Variants in PLEKHA8 observed in about 807,000 individuals in gnomAD.
PLEKHA8 encodes the protein pleckstrin homology domain containing A8, also known as pleckstrin homology domain-containing family A member 8.
Under a neutral mutation model 68.2 loss-of-function variants are expected in PLEKHA8, and 36 were observed. That is an observed-to-expected ratio of 0.53 (90% CI 0.40 to 0.70). The LOEUF (loss-of-function observed/expected upper bound fraction) is 0.70, where lower values mean the gene tolerates loss of function less well. Ranked by LOEUF, PLEKHA8 falls within the 30% of genes least tolerant of loss-of-function variation. The pLI is 0.00. For synonymous variants in PLEKHA8, 211 were observed against 216.1 expected (o/e 0.98, Z 0.20); for missense variants, 505 against 615.4 (o/e 0.82, Z 1.90).
chr7:30,055,133 G>A lies in PLEKHA8; in HGVS notation c.954-124G>A, dbSNP rs1792734762. 4 of 856,938 alleles carry A rather than the reference G, an allele frequency of 4.7e-6. No individual in the cohort carries two copies. The Admixed American group carries it at 6.2e-5, about 13-fold the overall frequency. The allele number at this position is 856,938 out of a possible 1,614,324, so 53.1% of individuals were successfully genotyped here. On this transcript the variant is annotated intron_variant, in intron 8 of 13. Transcript: ENST00000449726. Reference sequence around the variant, plus strand: ...GACCATATTAGAAAAACAGTTACTGGGGCATATCAAGTCAAACGATTTGCC... The same window carrying A: ...GACCATATTAGAAAAACAGTTACTGAGGCATATCAAGTCAAACGATTTGCC...
At chr7:30,121,400 G>A (rs1299393883) in intron 13 of PLEKHA8, among the ~76,000 whole-genome samples, 10 of 152,126 alleles carry the variant, frequency 6.6e-5, no homozygotes, top group South Asian at 6.2e-4. Context: ...TCGCTGAGGC[G>A]GGCAGATCAC....
intron 1 of PLEKHA8, among the ~76,000 whole-genome samples, chr7:30,035,802 C>T (rs1791019597): frequency 6.6e-6 from 1 of 151,870 alleles, no homozygotes; most frequent in Non-Finnish European, 1.5e-5. Flanking sequence ...TGCCACCAAG[C>T]CCGGCTGATT....
At chr7:30,129,285 G>A (rs778727227) in exon 14 of PLEKHA8, 4 of 1,612,734 alleles carry the variant, frequency 2.5e-6, no homozygotes, top group Non-Finnish European at 3.4e-6. Context: ...TGTGGGTGTA[G>A]ACGGAACTCC....
chr7:30,072,830 A>G (rs1039801395), intron 12 of PLEKHA8, among the ~76,000 whole-genome samples: 12 of 152,228 alleles, frequency 7.9e-5, no homozygotes, highest in Admixed American at 3.9e-4. Flanking sequence ...AATAGCCCCC[A>G]TGGTACACTG....
chr7:30,078,838 T>G lies in PLEKHA8; in HGVS notation c.*51T>G. On this transcript the variant is annotated 3_prime_UTR_variant, in exon 14 of 14. Transcript: ENST00000449726. ...TTCAGGGAATAAGTGCTAAAGTGTT[T>G]TGTTGCCCTACTTAATTTCCAGCAA... 6.3e-7 allele frequency: 1 copy of G among 1,575,538 alleles called. No homozygotes were observed. Among genetic ancestry groups the G allele is most frequent in the Admixed American group, 1.8e-5 (1 of 55,128 alleles).
intron 5 of PLEKHA8, among the ~76,000 whole-genome samples, chr7:30,049,920 A>G (rs1420583441): frequency 6.6e-6 from 1 of 152,208 alleles, no homozygotes; most frequent in African/African-American, 2.4e-5. Flanking sequence ...TTCCTGGATT[A>G]GCTCATACAC....
intron 12 of PLEKHA8, among the ~76,000 whole-genome samples, chr7:30,063,667 C>A (rs1010333127): frequency 2.0e-5 from 3 of 152,056 alleles, no homozygotes; most frequent in African/African-American, 7.2e-5. Flanking sequence ...CCGAGTCTGC[C>A]CCATCTAGCA....
At chr7:30,086,105 T>C (rs988892245), downstream of PLEKHA8, among the ~76,000 whole-genome samples, 1 of 152,226 alleles carries the variant, frequency 6.6e-6, no homozygotes, top group Non-Finnish European at 1.5e-5. Context: ...GACGAGCTTA[T>C]CTGTCATTGT....
intron 13 of PLEKHA8, among the ~76,000 whole-genome samples, chr7:30,101,180 G>GA (rs374275819): frequency 0.17 from 23,973 of 141,016 alleles, 1,938 homozygotes; most frequent in Middle Eastern, 0.22. Context: ...AGACTTGGGG[G>GA]AAAAAAAAAA....
At chr7:30,037,086 T>A (rs1791158234) in intron 1 of PLEKHA8, among the ~76,000 whole-genome samples, 1 of 152,186 alleles carries the variant, frequency 6.6e-6, no homozygotes, top group Non-Finnish European at 1.5e-5. Flanking sequence ...ACACCAAGGC[T>A]ATGGAGGTCA....
At chr7:30,053,009 C>T (rs1156267673) in intron 7 of PLEKHA8, 143 bp downstream of exon 7, 2 of 625,694 alleles carry the variant, frequency 3.2e-6, no homozygotes, top group African/African-American at 2.0e-5. Flanking sequence ...TAAGATAAGT[C>T]ATATGACTGA....
intron 3 of PLEKHA8, among the ~76,000 whole-genome samples, chr7:30,046,996 C>T (rs1014190091): frequency 6.6e-6 from 1 of 152,202 alleles, no homozygotes; most frequent in Non-Finnish European, 1.5e-5. Context: ...GTCCTAGTTG[C>T]TACCTTCCCT....
chr7:30,097,340 G>A (rs543156425), intron 13 of PLEKHA8, among the ~76,000 whole-genome samples: 53 of 152,132 alleles, frequency 3.5e-4, no homozygotes, highest in African/African-American at 8.0e-4. Context: ...TCTTTGTGGC[G>A]TTCTCTGTAT....
intron 13 of PLEKHA8, among the ~76,000 whole-genome samples, chr7:30,077,313 A>C (rs897998494): frequency 1.3e-5 from 2 of 152,038 alleles, no homozygotes; most frequent in African/African-American, 4.8e-5. Context: ...TATGCTGAGC[A>C]CTTGATTAGG....
At chr7:30,095,329 G>A (rs1474905635), downstream of PLEKHA8, among the ~76,000 whole-genome samples, 23 of 152,234 alleles carry the variant, frequency 1.5e-4, no homozygotes, top group South Asian at 6.2e-4. Flanking sequence ...TCTTCTTTTG[G>A]GAAGTGTCTG....
At chr7:30,126,440 A>T (rs1796773573) in intron 13 of PLEKHA8, among the ~76,000 whole-genome samples, 2 of 152,242 alleles carry the variant, frequency 1.3e-5, no homozygotes, top group Admixed American at 1.3e-4. Context: ...TACTTACATA[A>T]GGCTAAATGA....
chr7:30,078,578 A>G lies in PLEKHA8; in HGVS notation c.1363-12A>G, dbSNP rs1794756085. 1.9e-6 allele frequency: 3 copies of G among 1,613,244 alleles called. No homozygotes were observed. Among genetic ancestry groups the G allele is most frequent in the Non-Finnish European group, 1.7e-6 (2 of 1,179,604 alleles). ...GACTTGATGCAGATTCTCATGGGTT[A>G]TTCTTTTGCAGTTAGCTTTAAGGGC... is the stretch of plus-strand genomic sequence containing the variant. On this transcript the variant is annotated splice_polypyrimidine_tract_variant and intron_variant, in intron 13 of 13. Transcript: ENST00000449726.
At chr7:30,129,370 G>A (rs1796835687) in exon 14 of PLEKHA8, 2 of 1,603,512 alleles carry the variant, frequency 1.2e-6, no homozygotes, top group East Asian at 4.5e-5. Context: ...AGAAAGAAGA[G>A]CTGAAACCCT....
At chr7:30,034,433 G>A (rs577923833) in intron 1 of PLEKHA8, among the ~76,000 whole-genome samples, 1 of 152,168 alleles carries the variant, frequency 6.6e-6, no homozygotes, top group East Asian at 1.9e-4. Context: ...TGTAACTTTC[G>A]ATTCCCCCAA....
Sources: allele counts gnomAD v4.1 joint callset (sites outside exome capture counted in the v4.1 genomes callset), GRCh38; gene constraint gnomAD v4.1.1; transcripts MANE v1.5; gene names NCBI Gene and HGNC (gene_info 2026-07-23, HGNC 2026-07-21).